The following ARL15 variants were observed in gnomAD, a reference collection of about 807,000 sequenced individuals.
ARL15 encodes the protein ADP-ribosylation factor-like protein 15.
ARL15 carries 19 observed loss-of-function variants against 25.2 expected under a neutral mutation model. The ratio of observed to expected loss-of-function variants is 0.75; its 90% confidence interval spans 0.53 to 1.10. ARL15 has a LOEUF of 1.10. Ranked by LOEUF, ARL15 falls within the 50% of genes least tolerant of loss-of-function variation. The pLI, the probability that ARL15 is intolerant of heterozygous loss-of-function variation, is 0.00. For missense variants in ARL15, 220 were observed against 246.0 expected (o/e 0.89, Z 0.71); for synonymous variants, 94 against 86.8 (o/e 1.08, Z -0.46).
At position 54,041,272 on chromosome 5, in the gene ARL15, C is replaced by G. The variant is rs550999027; in HGVS notation, c.462+71930G>C. 5.9e-5 allele frequency among the ~76,000 whole-genome samples: 9 copies of G among 152,268 alleles called. No homozygotes were observed. In the South Asian group the frequency reaches 1.9e-3, roughly 32 times the overall value. ...TAGTGAAGGTCAAAGAATGCAAAAT[C>G]CTAGGAAACACAATTTTTTTCCAAA... On this transcript the variant is annotated intron_variant, in intron 4 of 4. Coordinates refer to ENST00000504924, the MANE Select transcript of ARL15 (RefSeq NM_019087.3).
intron 1 of ARL15, among the ~76,000 whole-genome samples, chr5:54,205,922 A>T (rs3797251): frequency 6.6e-6 from 1 of 152,142 alleles, no homozygotes; most frequent in African/African-American, 2.4e-5. Context: ...TTTAATACTT[A>T]AAAAGTATCT....
intron 4 of ARL15, among the ~76,000 whole-genome samples, chr5:54,070,518 TG>T (rs1448585845): frequency 2.6e-5 from 4 of 152,096 alleles, no homozygotes; most frequent in Non-Finnish European, 4.4e-5. Flanking sequence ...TCCTCCACCT[TG>T]GGCTTCCCAG....
At chr5:53,961,081 T>C (rs1011158375) in intron 4 of ARL15, among the ~76,000 whole-genome samples, 4 of 152,098 alleles carry the variant, frequency 2.6e-5, no homozygotes, top group Admixed American at 2.0e-4. Context: ...CAAAGATAAA[T>C]AGGAAATAGG....
intron 4 of ARL15, among the ~76,000 whole-genome samples, chr5:53,964,438 C>T (rs1377320825): frequency 2.0e-5 from 3 of 152,148 alleles, no homozygotes; most frequent in South Asian, 2.1e-4. Context: ...CGGCTCACTG[C>T]ATGCTCCGCC....
At chr5:54,179,816 G>A (rs191970851) in intron 1 of ARL15, among the ~76,000 whole-genome samples, 9 of 152,082 alleles carry the variant, frequency 5.9e-5, no homozygotes, top group African/African-American at 1.7e-4. Flanking sequence ...TCAGGAGTTC[G>A]AGACCAGCCT....
At chr5:54,178,016 A>G (rs1305991129) in intron 1 of ARL15, among the ~76,000 whole-genome samples, 1 of 152,234 alleles carries the variant, frequency 6.6e-6, no homozygotes, top group Admixed American at 6.5e-5. Flanking sequence ...GCACACAGAC[A>G]CAAAGACATA....
intron 4 of ARL15, among the ~76,000 whole-genome samples, chr5:54,095,518 A>G (rs1186487685): frequency 6.6e-6 from 1 of 152,204 alleles, no homozygotes; most frequent in African/African-American, 2.4e-5. Context: ...GGTTACAACC[A>G]GGAAAGCTTA....
intron 4 of ARL15, among the ~76,000 whole-genome samples, chr5:54,091,693 G>A (rs1752132732): frequency 6.6e-6 from 1 of 152,058 alleles, no homozygotes; most frequent in South Asian, 2.1e-4. Context: ...CTAAGAACAA[G>A]GGCAGACACA....
intron 1 of ARL15, among the ~76,000 whole-genome samples, chr5:54,226,861 G>A (rs1390410106): frequency 1.3e-5 from 2 of 152,084 alleles, no homozygotes; most frequent in African/African-American, 2.4e-5. Flanking sequence ...TGTGGGAGGG[G>A]CCCAGTGGGA....
At chr5:54,268,149 C>A (rs374675323) in intron 1 of ARL15, among the ~76,000 whole-genome samples, 1 of 152,070 alleles carries the variant, frequency 6.6e-6, no homozygotes, top group African/African-American at 2.4e-5. Flanking sequence ...CCATATTTCT[C>A]GGAGGCTTTG....
At chr5:53,902,947 G>A (rs1362123873) in intron 4 of ARL15, among the ~76,000 whole-genome samples, 2 of 152,258 alleles carry the variant, frequency 1.3e-5, no homozygotes, top group African/African-American at 2.4e-5. Context: ...TAACAAATGG[G>A]CTTGTAACCA....
intron 4 of ARL15, among the ~76,000 whole-genome samples, chr5:54,022,899 G>A (rs1324058793): frequency 1.3e-5 from 2 of 152,120 alleles, no homozygotes; most frequent in African/African-American, 4.8e-5. Context: ...CATGTTTGAT[G>A]GTGGAAGAAA....
chr5:54,019,889 A>T (rs1211985356), intron 4 of ARL15, among the ~76,000 whole-genome samples: 1 of 152,220 alleles, frequency 6.6e-6, no homozygotes, highest in Non-Finnish European at 1.5e-5. Context: ...TATCTACAAA[A>T]GCATTAAACT....
At chr5:54,029,027 TAA>T (rs879677233) in intron 4 of ARL15, among the ~76,000 whole-genome samples, 4 of 142,160 alleles carry the variant, frequency 2.8e-5, no homozygotes, top group African/African-American at 5.1e-5. Flanking sequence ...AACCTCTGTC[TAA>T]AAAAAAAAAA....
intron 3 of ARL15, among the ~76,000 whole-genome samples, chr5:54,145,974 A>G (rs1264676931): frequency 6.6e-6 from 1 of 151,608 alleles, no homozygotes; most frequent in African/African-American, 2.4e-5. Context: ...CTTTTCGTAG[A>G]CTCTTTTCCT....
At chr5:53,964,602 C>T (rs1169428983) in intron 4 of ARL15, among the ~76,000 whole-genome samples, 4 of 152,100 alleles carry the variant, frequency 2.6e-5, no homozygotes, top group East Asian at 1.9e-4. Context: ...CCTCGTGATC[C>T]GCCCACCTTG....
At chr5:53,889,425 A>G (rs1038388188) in intron 4 of ARL15, among the ~76,000 whole-genome samples, 11 of 152,270 alleles carry the variant, frequency 7.2e-5, no homozygotes, top group African/African-American at 1.9e-4. Context: ...GCAGGTAGAC[A>G]TGATTCAGAA....
At chr5:54,088,837 C>T (rs1752053474) in intron 4 of ARL15, among the ~76,000 whole-genome samples, 1 of 152,076 alleles carries the variant, frequency 6.6e-6, no homozygotes, top group Admixed American at 6.5e-5. Context: ...ATAAAAAAGT[C>T]CAAGTATTTT....
chr5:54,179,332 G>C (rs974511756), intron 1 of ARL15, among the ~76,000 whole-genome samples: 2 of 152,190 alleles, frequency 1.3e-5, no homozygotes, highest in African/African-American at 4.8e-5. Context: ...CAGAGCATCA[G>C]AAGTGGGGTG....
Sources: gnomAD v4.1 joint callset for allele counts (sites outside exome capture counted in the v4.1 genomes callset) on GRCh38, gnomAD v4.1.1 for gene constraint, MANE v1.5 for transcripts, NCBI Gene and HGNC (gene_info 2026-07-23, HGNC 2026-07-21) for gene names.